Variants in SMCHD1 observed in about 807,000 individuals in gnomAD.
The protein encoded by SMCHD1 is structural maintenance of chromosomes flexible hinge domain-containing protein 1.
SMCHD1 carries 78 observed loss-of-function variants against 254.7 expected under a neutral mutation model. The observed-to-expected ratio is 0.31, with a 90% CI of 0.26 to 0.37. The LOEUF (loss-of-function observed/expected upper bound fraction) is 0.37. Among genes scored for constraint, SMCHD1 ranks in the 10% least tolerant of loss-of-function variants. The probability of loss-of-function intolerance (pLI) is 1.00; values close to 1 mark genes in which losing one functional copy is unlikely to be tolerated. For missense variants in SMCHD1, 1,840 were observed against 2,408.1 expected, an observed-to-expected ratio of 0.76 and a Z score of 4.94; for synonymous variants, 766 against 794.9, an observed-to-expected ratio of 0.96 and a Z score of 0.61.
intron 29 of SMCHD1, 35 bp downstream of exon 29, chr18:2,743,963 A>C: frequency 6.6e-7 from 1 of 1,525,732 alleles, no homozygotes; most frequent in Non-Finnish European, 8.9e-7. Flanking sequence ...AAAGAATTTA[A>C]TATCATATGG....
At chr18:2,733,743 G>C (rs2075191057) in intron 25 of SMCHD1, among the ~76,000 whole-genome samples, 1 of 152,148 alleles carries the variant, frequency 6.6e-6, no homozygotes. Context: ...AATTGTACTG[G>C]AACAAATTTA....
intron 1 of SMCHD1, among the ~76,000 whole-genome samples, chr18:2,662,076 G>A (rs371466854): frequency 1.4e-5 from 2 of 143,878 alleles, no homozygotes; most frequent in African/African-American, 2.8e-5. Flanking sequence ...GGAGAATGGC[G>A]TGAACCCGGG....
At chr18:2,752,637 G>T in intron 34 of SMCHD1, 85 bp downstream of exon 34, 1 of 798,190 alleles carries the variant, frequency 1.3e-6, no homozygotes, top group East Asian at 2.9e-5. Context: ...GCTCACCTGA[G>T]GAAAAGTAAT....
chr18:2,711,134 C>G (rs1339019723), intron 17 of SMCHD1, among the ~76,000 whole-genome samples: 1 of 150,834 alleles, frequency 6.6e-6, no homozygotes, highest in Non-Finnish European at 1.5e-5. Flanking sequence ...GCTCATTGCA[C>G]CCAGCTAATT....
chr18:2,739,912 G>A (rs1026177633), intron 27 of SMCHD1, among the ~76,000 whole-genome samples: 6 of 149,896 alleles, frequency 4.0e-5, no homozygotes, highest in African/African-American at 1.5e-4. Flanking sequence ...TAGTGATACT[G>A]TACTCCTAAA....
At chr18:2,714,257 T>G (rs933638682) in intron 17 of SMCHD1, among the ~76,000 whole-genome samples, 1 of 152,214 alleles carries the variant, frequency 6.6e-6, no homozygotes, top group African/African-American at 2.4e-5. Flanking sequence ...TTAACTGTTG[T>G]TGATTTATAG....
intron 25 of SMCHD1, among the ~76,000 whole-genome samples, chr18:2,733,531 CAT>C (rs1030106596): frequency 2.2e-4 from 33 of 152,232 alleles, no homozygotes; most frequent in Admixed American, 4.6e-4. Context: ...CTCATTAACA[CAT>C]AGTCAACTGA....
At chr18:2,663,688 C>T (rs2073357231) in intron 1 of SMCHD1, among the ~76,000 whole-genome samples, 1 of 151,700 alleles carries the variant, frequency 6.6e-6, no homozygotes, top group Non-Finnish European at 1.5e-5. Flanking sequence ...TGTCTAAGGG[C>T]CCTCTATTCT....
intron 5 of SMCHD1, among the ~76,000 whole-genome samples, chr18:2,686,429 C>G (rs663183): frequency 6.6e-6 from 1 of 152,098 alleles, no homozygotes; most frequent in South Asian, 2.1e-4. Context: ...GGCACTCAAA[C>G]CTGTATGTTA....
intron 36 of SMCHD1, 64 bp downstream of exon 36, chr18:2,762,300 T>C (rs2075799943): frequency 2.0e-6 from 3 of 1,521,424 alleles, no homozygotes; most frequent in Non-Finnish European, 2.7e-6. Flanking sequence ...GATTTTAGGG[T>C]ACAAAATTAT....
At position 2,700,759 on chromosome 18, in the gene SMCHD1, G is replaced by C. The variant is rs1333601885; in HGVS notation, c.1488G>C (p.Lys496Asn). The C allele has an allele frequency of 6.2e-7, 1 of 1,611,434 alleles. No individual in the cohort carries two copies. Among genetic ancestry groups the C allele is most frequent in the Admixed American group, 1.7e-5 (1 of 59,482 alleles). The change falls in exon 12 of 48, where the codon AAG (lysine) becomes AAC (asparagine). Residue 496 changes from lysine to asparagine, a missense_variant. Coordinates refer to ENST00000320876, the MANE Select transcript of SMCHD1 (RefSeq NM_015295.3). Reference sequence around the variant, plus strand: ...GCTTTGACTGGTGTACTCCTCCTAAGAAGAGAGGGCTTGCACCAATTGAAT... The same window carrying C: ...GCTTTGACTGGTGTACTCCTCCTAACAAGAGAGGGCTTGCACCAATTGAAT... Reference protein sequence around the residue: ...VEDFDWCTPPKKRGLAPIECY... With the variant: ...VEDFDWCTPPNKRGLAPIECY...
intron 17 of SMCHD1, among the ~76,000 whole-genome samples, chr18:2,712,911 A>G (rs894952631): frequency 3.3e-5 from 5 of 152,070 alleles, no homozygotes; most frequent in African/African-American, 1.2e-4. Flanking sequence ...CTCTCTCTCC[A>G]ACTTGATCTC....
At chr18:2,657,776 A>G (rs1217690840) in intron 1 of SMCHD1, among the ~76,000 whole-genome samples, 1 of 152,198 alleles carries the variant, frequency 6.6e-6, no homozygotes, top group Non-Finnish European at 1.5e-5. Context: ...CACTATTTAC[A>G]TAACCGAATC....
Position 2,671,190 on chromosome 18 carries a change from C to T in SMCHD1, c.425-2091C>T, listed in dbSNP as rs138736944. Among the ~76,000 whole-genome samples, 764 of 152,176 alleles carry T rather than the reference C, an allele frequency of 5.0e-3. 4 individuals are homozygous for T. Among genetic ancestry groups the T allele is most frequent in the African/African-American group, 0.017 (692 of 41,524 alleles). ...ACTTCAGGCGATCTGCCCGTCTCGA[C>T]CTCCCAAAGTGCTGGGATTACAGGC... is the stretch of plus-strand genomic sequence containing the variant. On this transcript the variant is annotated intron_variant, in intron 3 of 47. Coordinates refer to ENST00000320876, the MANE Select transcript of SMCHD1 (RefSeq NM_015295.3).
intron 36 of SMCHD1, among the ~76,000 whole-genome samples, chr18:2,763,381 T>C (rs1180301677): frequency 6.6e-6 from 1 of 152,208 alleles, no homozygotes; most frequent in East Asian, 1.9e-4. Flanking sequence ...AAAGGTGATA[T>C]TTTAAAATGG....
intron 1 of SMCHD1, among the ~76,000 whole-genome samples, chr18:2,662,406 G>A (rs961388468): frequency 3.3e-5 from 5 of 151,774 alleles, no homozygotes; most frequent in African/African-American, 1.2e-4. Flanking sequence ...AGCACTTTGG[G>A]AGGCCAAGGC....
intron 3 of SMCHD1, among the ~76,000 whole-genome samples, chr18:2,669,280 C>A (rs1048484024): frequency 6.6e-6 from 1 of 152,034 alleles, no homozygotes; most frequent in East Asian, 1.9e-4. Context: ...CCAAGGAATT[C>A]GAGGCTATAG....
intron 3 of SMCHD1, among the ~76,000 whole-genome samples, chr18:2,667,822 A>G (rs1308317594): frequency 1.3e-5 from 2 of 152,116 alleles, no homozygotes; most frequent in East Asian, 3.8e-4. Flanking sequence ...TTTAATATAT[A>G]TGTCTCTGTA....
chr18:2,672,587 A>G (rs942568405), intron 3 of SMCHD1, among the ~76,000 whole-genome samples: 4 of 152,222 alleles, frequency 2.6e-5, no homozygotes, highest in African/African-American at 9.6e-5. Context: ...GAATTAAGAT[A>G]CGTAAATTTG....
Sources: gnomAD v4.1 joint callset for allele counts (sites outside exome capture counted in the v4.1 genomes callset) on GRCh38, gnomAD v4.1.1 for gene constraint, MANE v1.5 for transcripts, NCBI Gene and HGNC (gene_info 2026-07-23, HGNC 2026-07-21) for gene names.